The following ADAMTS7 variants were observed in gnomAD, a reference collection of about 807,000 sequenced individuals.
ADAMTS7 encodes the protein ADAM metallopeptidase with thrombospondin type 1 motif 7, also known as A disintegrin and metalloproteinase with thrombospondin motifs 7.
A neutral mutation model predicts 172.6 loss-of-function variants in ADAMTS7; 89 were observed. The observed-to-expected ratio is 0.52, with a 90% CI of 0.43 to 0.61. The LOEUF is 0.61. ADAMTS7 is among the 20% of genes least tolerant of loss of function. ADAMTS7 has a pLI of 0.00. For synonymous variants in ADAMTS7, 885 were observed against 978.4 expected (o/e 0.90, Z 1.78); for missense variants, 1,973 against 2,355.6 (o/e 0.84, Z 3.36).
At chr15:78,810,138 A>G (rs548831369) in intron 1 of ADAMTS7, among the ~76,000 whole-genome samples, 1 of 152,264 alleles carries the variant, frequency 6.6e-6, no homozygotes, top group East Asian at 1.9e-4. Context: ...ACCCTAATCC[A>G]GTCCCCCGAC....
chr15:78,795,332 G>A (rs1439646877), intron 4 of ADAMTS7, among the ~76,000 whole-genome samples: 1 of 152,238 alleles, frequency 6.6e-6, no homozygotes, highest in Non-Finnish European at 1.5e-5. Flanking sequence ...ATGCCAGGCA[G>A]AAGGCTGTGA....
chr15:78,766,022 T>C lies in ADAMTS7; in HGVS notation c.3889A>G (p.Ile1297Val), dbSNP rs199600199. ...ACCTTCATCTCTGGCAGAGGGGCTATGGGAGGAGGAAGGAGAGAAGCCACC... is the reference window on the plus strand; with the variant it reads ...ACCTTCATCTCTGGCAGAGGGGCTACGGGAGGAGGAAGGAGAGAAGCCACC... ...VGVASLLPPPIAPLPEMKVRD... is the reference protein window; with the variant it reads ...VGVASLLPPPVAPLPEMKVRD... The change falls in exon 19 of 24, where the codon ATA becomes GTA. Residue 1297 changes from isoleucine (I) to valine (V), a missense_variant. Ile to Val is a conservative substitution (Grantham distance 29). This residue lies in a region of ADAMTS7 where 771 missense variants were observed against 952.6 expected (regional missense o/e 0.81). Transcript: ENST00000388820. The C allele has an allele frequency of 1.3e-5, 21 of 1,601,966 alleles. No homozygotes were observed. The highest frequency in any genetic ancestry group is 4.0e-5 in the African/African-American group (3 of 74,788).
At chr15:78,782,635 G>C (rs2055443988) in intron 8 of ADAMTS7, among the ~76,000 whole-genome samples, 1 of 152,206 alleles carries the variant, frequency 6.6e-6, no homozygotes, top group South Asian at 2.1e-4. Flanking sequence ...TCTGGAAGCT[G>C]GGAAGCAGAT....
chr15:78,774,052 C>A (rs1246510098), intron 13 of ADAMTS7, 115 bp downstream of exon 13: 1 of 1,501,020 alleles, frequency 6.7e-7, no homozygotes. Flanking sequence ...AGGAGAGAAC[C>A]TGGGGCCCGC....
At position 78,767,560 on chromosome 15, in the gene ADAMTS7, C is replaced by A; in HGVS notation, c.2678G>T (p.Ser893Ile). Residue 893 changes from serine to isoleucine, a missense_variant, in exon 18 of 24, where the codon AGC becomes ATC. Ser to Ile is a moderately radical substitution (Grantham distance 142). Around this residue, in one of 8 missense-constraint regions of ADAMTS7, gnomAD observed 771 missense variants for 952.6 expected, o/e 0.81. Transcript: ENST00000388820. ...WWAGEWQLCS[S>I]SCGPGGLSRR... Reference sequence around the variant, plus strand: ...GGAGAGGCCCCCAGGCCCGCAGGAGCTGGAGCACAGCTGCCACTCACCTGC... The same window carrying A: ...GGAGAGGCCCCCAGGCCCGCAGGAGATGGAGCACAGCTGCCACTCACCTGC... The A allele has an allele frequency of 5.1e-6, 8 of 1,560,322 alleles. No homozygotes were observed. The highest frequency in any genetic ancestry group is 6.9e-6 in the Non-Finnish European group (8 of 1,153,280).
At chr15:78,795,857 C>T (rs1450591587) in intron 4 of ADAMTS7, among the ~76,000 whole-genome samples, 1 of 152,194 alleles carries the variant, frequency 6.6e-6, no homozygotes, top group Non-Finnish European at 1.5e-5. Flanking sequence ...TAGTCGGCTC[C>T]AGGAATCCCA....
intron 3 of ADAMTS7, 103 bp downstream of exon 3, chr15:78,797,844 CT>C: frequency 7.5e-7 from 1 of 1,329,400 alleles, no homozygotes; most frequent in Non-Finnish European, 1.0e-6. Context: ...GTCATCTGGT[CT>C]AAGGGGCACT....
intron 8 of ADAMTS7, among the ~76,000 whole-genome samples, chr15:78,782,058 G>C (rs1056225520): frequency 6.6e-6 from 1 of 151,800 alleles, no homozygotes; most frequent in Admixed American, 6.6e-5. Flanking sequence ...TCCCAAGATG[G>C]TCTTGCCCTG....
chr15:78,775,217 G>C (rs1596183775), intron 11 of ADAMTS7, among the ~76,000 whole-genome samples: 1 of 152,336 alleles, frequency 6.6e-6, no homozygotes, highest in African/African-American at 2.4e-5. Flanking sequence ...ACGAGCCCTT[G>C]AGTCCTCAGC....
rs1160527587 is a variant in ADAMTS7 at position 78,764,683 on chromosome 15, C to T, written c.4291G>A (p.Ala1431Thr). The change falls in exon 20 of 24, where the codon GCG becomes ACG. Residue 1431 changes from alanine to threonine, a missense_variant. Physicochemically the swap from Ala to Thr is moderately conservative, Grantham distance 58. Transcript: ENST00000388820. ...SECSTTCGLG[A>T]VWRPVRCSSG... Reference sequence around the variant, plus strand: ...CTACAGCGCACCGGCCTCCAGACCGCACCCAGGCCACAGGTGGTAGAGCAC... The same window carrying T: ...CTACAGCGCACCGGCCTCCAGACCGTACCCAGGCCACAGGTGGTAGAGCAC... The T allele has an allele frequency of 3.9e-6, 6 of 1,556,500 alleles. No individual in the cohort carries two copies. In the Middle Eastern group the frequency reaches 6.8e-4, roughly 177 times the overall value.
At chr15:78,797,061 A>G (rs1156596975) in intron 3 of ADAMTS7, among the ~76,000 whole-genome samples, 2 of 152,236 alleles carry the variant, frequency 1.3e-5, no homozygotes, top group East Asian at 3.8e-4. Flanking sequence ...TGGTGGATAT[A>G]AACATGGTAA....
chr15:78,806,314 A>G (rs935846068), intron 1 of ADAMTS7, among the ~76,000 whole-genome samples: 4 of 152,082 alleles, frequency 2.6e-5, no homozygotes, highest in African/African-American at 9.7e-5. Context: ...ATGTTAATTC[A>G]ACAGTGAAGA....
intron 8 of ADAMTS7, among the ~76,000 whole-genome samples, chr15:78,785,889 GT>G (rs1281042286): frequency 6.6e-6 from 1 of 151,664 alleles, no homozygotes; most frequent in African/African-American, 2.4e-5. Flanking sequence ...GTGGGGAGAA[GT>G]GGGGCAGGTG....
rs776971128 is a variant in ADAMTS7, at chr15:78,765,878, C to T, written c.4033G>A (p.Gly1345Arg). 3.1e-5 allele frequency: 49 copies of T among 1,569,696 alleles called. No individual in the cohort carries two copies. Among genetic ancestry groups the T allele is most frequent in the Middle Eastern group, 4.7e-4 (2 of 4,278 alleles). ...TFLPTTLTGLGHMPEPALNPG... is the reference protein window; with the variant it reads ...TFLPTTLTGLRHMPEPALNPG... ...TTCAGGGCAGGCTCAGGCATGTGCC[C>T]GAGGCCAGTCAGGGTTGTGGGGAGG... The change falls in exon 19 of 24, where the codon GGG becomes AGG. Residue 1345 changes from glycine (G) to arginine (R), a missense_variant. By Grantham distance (125) the Gly-to-Arg change is moderately radical. Transcript: ENST00000388820.
intron 7 of ADAMTS7, among the ~76,000 whole-genome samples, chr15:78,788,966 T>C (rs956436379): frequency 9.8e-5 from 15 of 152,342 alleles, no homozygotes; most frequent in African/African-American, 2.9e-4. Context: ...AGGAACTAGC[T>C]AGGGTAACAC....
intron 23 of ADAMTS7, chr15:78,762,050 A>T: frequency 2.0e-6 from 2 of 985,442 alleles, no homozygotes; most frequent in Non-Finnish European, 2.4e-6. Flanking sequence ...ACACAGCCTC[A>T]GGGACATCCC....
At chr15:78,806,841 A>G (rs1314457779) in intron 1 of ADAMTS7, among the ~76,000 whole-genome samples, 2 of 152,146 alleles carry the variant, frequency 1.3e-5, no homozygotes, top group Admixed American at 1.3e-4. Flanking sequence ...ATCTTGGCTC[A>G]CTGCAACCTC....
chr15:78,760,621 G>A (rs982601529), intron 23 of ADAMTS7, among the ~76,000 whole-genome samples: 21 of 152,276 alleles, frequency 1.4e-4, no homozygotes, highest in Non-Finnish European at 2.8e-4. Flanking sequence ...CACAGCAAAT[G>A]GATGTGGCCA....
chr15:78,771,058 T>G lies in ADAMTS7; in HGVS notation c.2518+104A>C. ...AGAACTGAGGCTCAGAGAAGCAAAC[T>G]TCCAAACCCGTGGTGGCCCAGCAGT... is the stretch of plus-strand genomic sequence containing the variant. On this transcript the variant is annotated intron_variant, in intron 16 of 23. Transcript: ENST00000388820. This position sits in a 1 kb window ranked among gnomAD's most constrained non-coding sequence, Gnocchi z 4.9. 7.0e-7 allele frequency: 1 copy of G among 1,432,066 alleles called. No homozygotes were observed. The allele number at this position is 1,432,066 out of a possible 1,614,324, so 88.7% of individuals were successfully genotyped here. A position where few individuals can be genotyped will look rare whatever the true frequency, so the allele number is the denominator to read the frequency against.
Sources: gnomAD v4.1 joint callset for allele counts (sites outside exome capture counted in the v4.1 genomes callset) on GRCh38, gnomAD v4.1.1 for gene constraint, gnomAD v4.1.1 regional missense constraint, Gnocchi (gnomAD v3.1) non-coding constraint, MANE v1.5 for transcripts, NCBI Gene and HGNC (gene_info 2026-07-23, HGNC 2026-07-21) for gene names.